SEL1L: variants seen among roughly 807,000 people sequenced by gnomAD.
The protein encoded by SEL1L is protein sel-1 homolog 1.
SEL1L carries 52 observed loss-of-function variants against 109.8 expected under a neutral mutation model. The ratio of observed to expected loss-of-function variants is 0.47; its 90% CI spans 0.38 to 0.60. The LOEUF is 0.60. Ranked by LOEUF, SEL1L falls within the 20% of genes least tolerant of loss-of-function variation. The probability of loss-of-function intolerance (pLI) is 0.00; values close to 1 mark genes in which losing one functional copy is unlikely to be tolerated. For missense variants in SEL1L, 749 were observed against 962.2 expected (o/e 0.78, Z 2.93); for synonymous variants, 373 against 339.6 (o/e 1.10, Z -1.08).
Position 81,487,529 on chromosome 14 carries a change from C to A in SEL1L, c.1493G>T (p.Gly498Val), listed in dbSNP as rs1158677678. ...GGCCTGTTTATAATCTCTCTTGACT[C>A]CAATGCCATCTGTAAGAAAAAAAAA... is the stretch of plus-strand genomic sequence containing the variant. ...QLGSMYYNGI[G>V]VKRDYKQALK... The change falls in exon 16 of 21, where the codon GGA becomes GTA. Residue 498 changes from glycine to valine, a missense_variant. Transcript: ENST00000336735. 4.4e-6 allele frequency: 7 copies of A among 1,594,216 alleles called. No individual in the cohort carries two copies. Among genetic ancestry groups the A allele is most frequent in the Non-Finnish European group, 6.0e-6 (7 of 1,175,912 alleles).
chr14:81,497,099 G>A (rs1243657473), intron 10 of SEL1L, among the ~76,000 whole-genome samples: 1 of 152,158 alleles, frequency 6.6e-6, no homozygotes, highest in East Asian at 1.9e-4. Flanking sequence ...AAAATTTTAA[G>A]TAAACTAAAT....
At chr14:81,524,136 G>A (rs1375449574) in intron 3 of SEL1L, among the ~76,000 whole-genome samples, 3 of 152,090 alleles carry the variant, frequency 2.0e-5, no homozygotes, top group African/African-American at 7.2e-5. Context: ...AACAAATGCA[G>A]GAGGAATGGT....
At chr14:81,480,948 T>C (rs1261173823) in intron 19 of SEL1L, among the ~76,000 whole-genome samples, 3 of 151,050 alleles carry the variant, frequency 2.0e-5, no homozygotes, top group African/African-American at 7.3e-5. Context: ...CCTCAGGGGC[T>C]ACCACCGGAA....
intron 17 of SEL1L, 42 bp downstream of exon 17, chr14:81,486,247 T>G (rs750018488): frequency 6.3e-7 from 1 of 1,597,904 alleles, no homozygotes; most frequent in Non-Finnish European, 8.6e-7. Context: ...TGGTGTGAAC[T>G]CGTACATTCT....
intron 3 of SEL1L, among the ~76,000 whole-genome samples, chr14:81,514,778 T>C (rs966238297): frequency 1.3e-5 from 2 of 152,258 alleles, no homozygotes; most frequent in Middle Eastern, 3.4e-3. Flanking sequence ...TCCTAAGCCA[T>C]TGGGACCAAT....
At chr14:81,484,916 A>T (rs1903473054) in intron 18 of SEL1L, among the ~76,000 whole-genome samples, 1 of 152,256 alleles carries the variant, frequency 6.6e-6, no homozygotes, top group African/African-American at 2.4e-5. Flanking sequence ...TATGTAAATG[A>T]TCAGGCTCTA....
intron 4 of SEL1L, among the ~76,000 whole-genome samples, chr14:81,504,897 T>C (rs966621397): frequency 1.3e-5 from 2 of 152,126 alleles, no homozygotes; most frequent in African/African-American, 4.8e-5. Context: ...CTGCATCTCA[T>C]ATGGTAAGTT....
At chr14:81,514,137 G>T (rs1262936710) in intron 3 of SEL1L, among the ~76,000 whole-genome samples, 1 of 152,194 alleles carries the variant, frequency 6.6e-6, no homozygotes, top group African/African-American at 2.4e-5. Flanking sequence ...AGGCACCTGG[G>T]CTCACTAACC....
At chr14:81,514,543 A>G (rs1466047338) in intron 3 of SEL1L, among the ~76,000 whole-genome samples, 1 of 152,108 alleles carries the variant, frequency 6.6e-6, no homozygotes, top group African/African-American at 2.4e-5. Flanking sequence ...GGATTTTGAG[A>G]ATGCGTTGGT....
At chr14:81,525,516 G>C (rs1885078224) in intron 3 of SEL1L, among the ~76,000 whole-genome samples, 1 of 150,264 alleles carries the variant, frequency 6.7e-6, no homozygotes. Context: ...CTTGGGTGAG[G>C]TACAGGGAAA....
rs140762213 is a variant in SEL1L at position 81,485,521 on chromosome 14, A to T, written c.1873+151T>A. 7.1e-4 allele frequency: 446 copies of T among 631,000 alleles called. 5 individuals carry two copies. In the East Asian group the frequency reaches 9.6e-3, roughly 14 times the overall value. The allele number at this position is 631,000 out of a possible 1,614,324, so 39.1% of individuals were successfully genotyped here. On this transcript the variant is annotated intron_variant, in intron 18 of 20. Transcript: ENST00000336735. Reference sequence around the variant, plus strand: ...GGCTGGTTTCGGTTTCGAACTCCTGACCTCAAGTGATCCTCCTGCCTTGGC... The same window carrying T: ...GGCTGGTTTCGGTTTCGAACTCCTGTCCTCAAGTGATCCTCCTGCCTTGGC...
At chr14:81,489,170 G>C (rs1305174119) in intron 14 of SEL1L, 82 bp downstream of exon 14, 1 of 1,249,842 alleles carries the variant, frequency 8.0e-7, no homozygotes, top group African/African-American at 1.5e-5. Context: ...CACCTGGGCT[G>C]ACTGGAAGCT....
In SEL1L at chr14:81,490,438, G is replaced by T. The variant is rs1183174392; in HGVS notation, c.1282C>A (p.Pro428Thr). The stretch of plus-strand genomic sequence containing the variant: ...TGGAGAGCTGTCTCATTACTCTGAG[G>T]TACAATGTCACTTCCTTCCGAATAC... ...KMYSEGSDIV[P>T]QSNETALHYF... Residue 428 changes from proline to threonine, a missense_variant, in exon 13 of 21, where the codon CCT becomes ACT. Coordinates refer to ENST00000336735, the MANE Select transcript of SEL1L (RefSeq NM_005065.6). 6.2e-7 allele frequency: 1 copy of T among 1,613,692 alleles called. No individual in the cohort carries two copies. The highest frequency in any genetic ancestry group is 1.3e-5 in the African/African-American group (1 of 74,906).
rs117920882 is a variant in SEL1L, at chr14:81,489,600, T to C, written c.1333-286A>G. Reference sequence around the variant, plus strand: ...CCATCTGTACCATGAATTTATGACATAAAGCATGACTAATGTATTTCATCA... The same window carrying C: ...CCATCTGTACCATGAATTTATGACACAAAGCATGACTAATGTATTTCATCA... On this transcript the variant is annotated intron_variant, in intron 13 of 20. Transcript: ENST00000336735. Among the ~76,000 whole-genome samples the C allele has an allele frequency of 9.2e-5, 14 of 152,304 alleles. No individual in the cohort carries two copies. The East Asian group carries it at 2.7e-3, about 29-fold the overall frequency.
rs1903161736 is a variant in SEL1L, at chr14:81,476,467, A to G, written c.*505T>C. ...AGAGTTTCTCAGTTATCGCAGTTCC[A>G]AAACATTTTCAAGATAGCTTTTTTT... On this transcript the variant is annotated 3_prime_UTR_variant, in exon 21 of 21. Coordinates refer to ENST00000336735, the MANE Select transcript of SEL1L (RefSeq NM_005065.6). The G allele has an allele frequency of 6.5e-6, 1 of 152,984 alleles. No homozygotes were observed. The highest frequency in any genetic ancestry group is 2.5e-5 in the African/African-American group (1 of 40,786). 9.5% of individuals were successfully genotyped at this position (152,984 alleles called of 1,614,324 possible).
At chr14:81,515,189 C>T (rs897739920) in intron 3 of SEL1L, among the ~76,000 whole-genome samples, 1 of 152,182 alleles carries the variant, frequency 6.6e-6, no homozygotes. Context: ...CCCCTTCAAG[C>T]TGTAGGGGAG....
chr14:81,502,913 T>C (rs768974742), intron 5 of SEL1L, 30 bp from the exon 6 acceptor site: 3 of 1,551,028 alleles, frequency 1.9e-6, no homozygotes, highest in African/African-American at 2.8e-5. Context: ...AAAACCAAAT[T>C]AGTAATGTTT....
chr14:81,484,338 C>T lies in SEL1L; in HGVS notation c.1933G>A (p.Val645Ile). 6.2e-7 allele frequency: 1 copy of T among 1,614,136 alleles called. No homozygotes were observed. Among genetic ancestry groups the T allele is most frequent in the Middle Eastern group, 1.6e-4 (1 of 6,062 alleles). Residue 645 changes from valine to isoleucine, a missense_variant, in exon 19 of 21, where the codon GTA becomes ATA. Coordinates refer to ENST00000336735, the MANE Select transcript of SEL1L (RefSeq NM_005065.6). ...TGAATAAATGCAGTTTCATAATCTA[C>T]ATCGGTGCCAAACCCATAGAAATGG... is the stretch of plus-strand genomic sequence containing the variant. ...DYHFYGFGTD[V>I]DYETAFIHYR...
intron 13 of SEL1L, 95 bp downstream of exon 13, chr14:81,490,293 G>A (rs1883488107): frequency 2.3e-6 from 2 of 854,668 alleles, no homozygotes; most frequent in African/African-American, 3.5e-5. Context: ...TGTATAGCAT[G>A]AGTTGGTTAT....
Sources: gnomAD v4.1 joint callset for allele counts (sites outside exome capture counted in the v4.1 genomes callset) on GRCh38, gnomAD v4.1.1 for gene constraint, MANE v1.5 for transcripts, NCBI Gene and HGNC (gene_info 2026-07-23, HGNC 2026-07-21) for gene names.